MYO16: variants seen among roughly 807,000 people sequenced by gnomAD.
MYO16 encodes the protein unconventional myosin-XVI.
In MYO16, 94 loss-of-function variants were observed where a neutral mutation model predicts 205.3. The observed-to-expected ratio is 0.46, with a 90% CI of 0.39 to 0.54. MYO16 has a LOEUF of 0.54. Among genes scored for constraint, MYO16 ranks in the 20% least tolerant of loss-of-function variants. The probability of loss-of-function intolerance (pLI) is 0.00; values close to 1 mark genes in which losing one functional copy is unlikely to be tolerated. For missense variants in MYO16, 2,315 were observed against 2,387.5 expected, an observed-to-expected ratio of 0.97 and a Z score of 0.63; for synonymous variants, 988 against 954.0, an observed-to-expected ratio of 1.04 and a Z score of -0.66.
intron 31 of MYO16, among the ~76,000 whole-genome samples, chr13:109,130,222 G>T (rs1413031352): frequency 6.6e-6 from 1 of 152,112 alleles, no homozygotes; most frequent in Non-Finnish European, 1.5e-5. Context: ...TAGTTTCTTG[G>T]ATCCTAATTT....
chr13:108,524,914 G>A, the MYO16 span, among the ~76,000 whole-genome samples: 1 of 152,098 alleles, frequency 6.6e-6, no homozygotes, highest in African/African-American at 2.4e-5. Flanking sequence ...ATAAAGATGG[G>A]CTTTTAAAAT....
At chr13:109,160,797 A>C (rs1447372884) in intron 32 of MYO16, among the ~76,000 whole-genome samples, 1 of 152,152 alleles carries the variant, frequency 6.6e-6, no homozygotes, top group African/African-American at 2.4e-5. Flanking sequence ...ATTATTTCTA[A>C]AATTCTCCTG....
intron 4 of MYO16, among the ~76,000 whole-genome samples, chr13:108,773,687 G>A (rs1886038586): frequency 6.6e-6 from 1 of 152,126 alleles, no homozygotes; most frequent in Non-Finnish European, 1.5e-5. Flanking sequence ...ACATTCACAG[G>A]TACTTGGGGG....
Position 109,074,192 on chromosome 13 carries a change from C to A in MYO16, c.3335+18597C>A, listed in dbSNP as rs79922671. On this transcript the variant is annotated intron_variant, in intron 27 of 34. Coordinates refer to ENST00000457511, the MANE Select transcript of MYO16 (RefSeq NM_001198950.3). The stretch of plus-strand genomic sequence containing the variant: ...AATTGTGTTTTTACATAAACATACA[C>A]CCATGAGCCCAAGATGGTAACATCT... 1.6e-3 allele frequency among the ~76,000 whole-genome samples: 250 copies of A among 152,254 alleles called. 1 individual carries two copies. Among genetic ancestry groups the A allele is most frequent in the Non-Finnish European group, 2.9e-3 (199 of 68,032 alleles).
intron 2 of MYO16, among the ~76,000 whole-genome samples, chr13:108,666,477 A>T (rs1011551673): frequency 6.6e-6 from 1 of 151,216 alleles, no homozygotes; most frequent in Non-Finnish European, 1.5e-5. Context: ...TTATCAATGA[A>T]TTTTTTTTTC....
At chr13:108,715,362 T>C (rs1883901995) in intron 3 of MYO16, among the ~76,000 whole-genome samples, 1 of 152,164 alleles carries the variant, frequency 6.6e-6, no homozygotes, top group Admixed American at 6.5e-5. Flanking sequence ...CACTGACGCC[T>C]CACAAGCAAC....
At chr13:109,059,206 T>C (rs1366976966) in intron 27 of MYO16, among the ~76,000 whole-genome samples, 1 of 152,192 alleles carries the variant, frequency 6.6e-6, no homozygotes, top group Non-Finnish European at 1.5e-5. Context: ...ATCACAAATA[T>C]TCTTAGGAGC....
intron 4 of MYO16, among the ~76,000 whole-genome samples, chr13:108,767,125 G>A (rs71435296): frequency 0.076 from 11,515 of 151,942 alleles, 599 homozygotes; most frequent in Non-Finnish European, 0.12. Context: ...TTTTGAGACA[G>A]GGAGTCTCTC....
chr13:108,559,079 T>C, the MYO16 span, among the ~76,000 whole-genome samples: 87 of 152,052 alleles, frequency 5.7e-4, no homozygotes, highest in Non-Finnish European at 8.7e-4. Flanking sequence ...TCCTAACCGC[T>C]GTACCTGTGA....
At chr13:108,973,440 A>G (rs1405946271) in intron 20 of MYO16, among the ~76,000 whole-genome samples, 1 of 152,174 alleles carries the variant, frequency 6.6e-6, no homozygotes, top group Non-Finnish European at 1.5e-5. Flanking sequence ...CAGCAGGATA[A>G]TTTTTGCATC....
intron 32 of MYO16, among the ~76,000 whole-genome samples, chr13:109,156,129 G>A (rs934389003): frequency 3.9e-5 from 6 of 152,312 alleles, no homozygotes; most frequent in African/African-American, 1.4e-4. Flanking sequence ...AGATTTAAAA[G>A]GAGTTGCCCT....
chr13:108,869,941 A>T (rs534804578), intron 12 of MYO16, among the ~76,000 whole-genome samples: 81 of 151,270 alleles, frequency 5.4e-4, no homozygotes, highest in Non-Finnish European at 4.6e-4. Flanking sequence ...ATTGGATTGG[A>T]TCACCAGAAT....
At chr13:108,756,125 A>G (rs1885414361) in intron 4 of MYO16, among the ~76,000 whole-genome samples, 1 of 151,256 alleles carries the variant, frequency 6.6e-6, no homozygotes, top group South Asian at 2.1e-4. Context: ...GTATTTTCAC[A>G]TAGCATATGA....
intron 34 of MYO16, among the ~76,000 whole-genome samples, chr13:109,183,299 C>T (rs891450421): frequency 2.6e-5 from 4 of 152,230 alleles, no homozygotes; most frequent in Middle Eastern, 3.4e-3. Context: ...AATCCTCTGC[C>T]GACTCAGAGG....
intron 32 of MYO16, among the ~76,000 whole-genome samples, chr13:109,152,181 T>G (rs918084872): frequency 6.6e-6 from 1 of 152,242 alleles, no homozygotes; most frequent in Non-Finnish European, 1.5e-5. Context: ...TTACCAGTAA[T>G]AAAGCCCCCT....
chr13:108,727,140 T>A (rs1884367626), intron 3 of MYO16, among the ~76,000 whole-genome samples: 2 of 151,998 alleles, frequency 1.3e-5, no homozygotes, highest in Admixed American at 6.6e-5. Context: ...AAGTTTTTTT[T>A]AAATAATCCT....
intron 34 of MYO16, among the ~76,000 whole-genome samples, chr13:109,185,306 T>C (rs1879636178): frequency 2.0e-5 from 3 of 152,156 alleles, no homozygotes; most frequent in Admixed American, 2.0e-4. Flanking sequence ...TCATTCATCA[T>C]GTAAGTGCAC....
intron 28 of MYO16, among the ~76,000 whole-genome samples, chr13:109,107,762 G>C (rs963674384): frequency 5.3e-5 from 8 of 149,644 alleles, no homozygotes; most frequent in Non-Finnish European, 1.2e-4. Flanking sequence ...GAACCTAAGA[G>C]TACACCTTGA....
intron 23 of MYO16, among the ~76,000 whole-genome samples, chr13:109,036,917 AG>A (rs1886735607): frequency 6.6e-6 from 1 of 152,210 alleles, no homozygotes; most frequent in Admixed American, 6.5e-5. Context: ...AAACCAAAAA[AG>A]ATGAGCAAGG....
Sources: allele counts gnomAD v4.1 joint callset (sites outside exome capture counted in the v4.1 genomes callset), GRCh38; gene constraint gnomAD v4.1.1; transcripts MANE v1.5; gene names NCBI Gene and HGNC (gene_info 2026-07-23, HGNC 2026-07-21).